The following PRKAG2 variants were observed in gnomAD, a reference collection of about 807,000 sequenced individuals.
The protein encoded by PRKAG2 is protein kinase AMP-activated non-catalytic subunit gamma 2, also known as 5'-AMP-activated protein kinase subunit gamma-2.
Under a neutral mutation model 69.6 loss-of-function variants are expected in PRKAG2, and 26 were observed. The ratio of observed to expected loss-of-function variants is 0.37; its 90% CI spans 0.27 to 0.52. PRKAG2 has a LOEUF of 0.52. Among genes scored for constraint, PRKAG2 ranks in the 20% least tolerant of loss-of-function variants. The pLI is 0.90. For missense variants in PRKAG2, 557 were observed against 740.0 expected (o/e 0.75, Z 2.87); for synonymous variants, 293 against 285.0 (o/e 1.03, Z -0.28).
At chr7:151,622,211 G>A (rs546566793) in intron 5 of PRKAG2, among the ~76,000 whole-genome samples, 131 of 152,274 alleles carry the variant, frequency 8.6e-4, no homozygotes, top group Non-Finnish European at 1.1e-3. Context: ...CCAAGTCCCC[G>A]CAAGTGTCCT....
Position 151,871,038 on chromosome 7 carries a change from C to T in PRKAG2, c.114+5469G>A, listed in dbSNP as rs187061559. Reference sequence around the variant, plus strand: ...CCTCAGTGTCCCCAAAGACTTCTGCCTTGGGTCCATCTCTCTGACGTCTTC... The same window carrying T: ...CCTCAGTGTCCCCAAAGACTTCTGCTTTGGGTCCATCTCTCTGACGTCTTC... On this transcript the variant is annotated intron_variant, in intron 1 of 15. Coordinates refer to ENST00000287878, the MANE Select transcript of PRKAG2 (RefSeq NM_016203.4). 7.6e-4 allele frequency among the ~76,000 whole-genome samples: 116 copies of T among 152,312 alleles called. 1 individual carries two copies. The East Asian group carries it at 0.02, about 27-fold the overall frequency.
At chr7:151,622,449 C>T (rs76791578) in intron 5 of PRKAG2, among the ~76,000 whole-genome samples, 1 of 152,294 alleles carries the variant, frequency 6.6e-6, no homozygotes, top group East Asian at 1.9e-4. Context: ...CACAAAAAAA[C>T]CATTGGCAGA....
chr7:151,840,797 G>A (rs920405099), intron 1 of PRKAG2, among the ~76,000 whole-genome samples: 6 of 152,360 alleles, frequency 3.9e-5, no homozygotes, highest in African/African-American at 7.2e-5. Context: ...CTGCCCACCC[G>A]AGTCTCAGGC....
At chr7:151,668,729 T>G (rs1483505332) in intron 4 of PRKAG2, among the ~76,000 whole-genome samples, 1 of 152,248 alleles carries the variant, frequency 6.6e-6, no homozygotes, top group Non-Finnish European at 1.5e-5. Context: ...TGTCACAGGC[T>G]GAGAGTGGAT....
At chr7:151,794,871 CT>C (rs2077423261) in intron 1 of PRKAG2, among the ~76,000 whole-genome samples, 1 of 152,232 alleles carries the variant, frequency 6.6e-6, no homozygotes, top group Non-Finnish European at 1.5e-5. Flanking sequence ...TCCGGGCAGC[CT>C]TTACTTGACC....
chr7:151,792,329 A>G (rs913059494), intron 1 of PRKAG2, among the ~76,000 whole-genome samples: 4 of 152,170 alleles, frequency 2.6e-5, no homozygotes, highest in Non-Finnish European at 1.5e-5. Flanking sequence ...AAATCCCACC[A>G]CCAAATGCAA....
intron 3 of PRKAG2, among the ~76,000 whole-genome samples, chr7:151,723,294 A>G (rs1038438886): frequency 3.3e-5 from 5 of 152,168 alleles, no homozygotes; most frequent in African/African-American, 1.2e-4. Flanking sequence ...AAGGGGACCC[A>G]GCCTCCCCCT....
chr7:151,841,898 GTGA>G (rs1255582434), intron 1 of PRKAG2, among the ~76,000 whole-genome samples: 3 of 149,528 alleles, frequency 2.0e-5, no homozygotes, highest in South Asian at 2.2e-4. Context: ...ATGGTAGGTA[GTGA>G]TGATGGTAGT....
rs1245355759 is a variant in PRKAG2 at position 151,836,561 on chromosome 7, C to T, written c.114+39946G>A. ...TGCCTCCAGGGGATCAGAACTTGCC[C>T]CCTTCCCAGTGTGAATTCCCCTCCG... is the stretch of plus-strand genomic sequence containing the variant. On this transcript the variant is annotated intron_variant, in intron 1 of 15. Coordinates refer to ENST00000287878, the MANE Select transcript of PRKAG2 (RefSeq NM_016203.4). The surrounding 1 kb of genome is among the most constrained non-coding windows in gnomAD (Gnocchi z 4.1). 2.0e-5 allele frequency among the ~76,000 whole-genome samples: 3 copies of T among 152,232 alleles called. No individual in the cohort carries two copies. The highest frequency in any genetic ancestry group is 7.2e-5 in the African/African-American group (3 of 41,466).
At position 151,756,381 on chromosome 7, in the gene PRKAG2, C is replaced by G. The variant is rs546253640; in HGVS notation, c.466+24771G>C. Among the ~76,000 whole-genome samples, 6 of 152,332 alleles carry G rather than the reference C, an allele frequency of 3.9e-5. No individual in the cohort carries two copies. The highest frequency in any genetic ancestry group is 3.9e-4 in the Admixed American group (6 of 15,306). On this transcript the variant is annotated intron_variant, in intron 3 of 15. Coordinates refer to ENST00000287878, the MANE Select transcript of PRKAG2 (RefSeq NM_016203.4). This position sits in a 1 kb window ranked among gnomAD's most constrained non-coding sequence, Gnocchi z 4.9. The stretch of plus-strand genomic sequence containing the variant: ...CCTGTCCTTGCAATGCTGGGAGGGA[C>G]CCTAGATGGATTTGTGGGTGCATCT...
intron 6 of PRKAG2, 21 bp from the exon 7 acceptor site, chr7:151,576,473 C>T (rs1169863368): frequency 5.2e-6 from 8 of 1,543,122 alleles, no homozygotes; most frequent in Non-Finnish European, 6.3e-6. Flanking sequence ...AGAGGAGAAA[C>T]AAAACATACT....
At chr7:151,738,425 A>G (rs1586190171) in intron 3 of PRKAG2, among the ~76,000 whole-genome samples, 1 of 152,394 alleles carries the variant, frequency 6.6e-6, no homozygotes, top group East Asian at 1.9e-4. Context: ...CTGGCCATAA[A>G]CTGGCCCCAA....
In PRKAG2 at chr7:151,788,338, C is replaced by A. The variant is rs2077114719; in HGVS notation, c.115-1797G>T. Among the ~76,000 whole-genome samples the A allele has an allele frequency of 6.6e-6, 1 of 152,180 alleles. No homozygotes were observed. Among genetic ancestry groups the A allele is most frequent in the African/African-American group, 2.4e-5 (1 of 41,438 alleles). On this transcript the variant is annotated intron_variant, in intron 1 of 15. Transcript: ENST00000287878. This position sits in a 1 kb window ranked among gnomAD's most constrained non-coding sequence, Gnocchi z 4.6. ...GGTATCTCATTGTGGTTTTGATTTG[C>A]ATTTCTTGGATAATTAGTGATGTTG...
intron 1 of PRKAG2, among the ~76,000 whole-genome samples, chr7:151,862,701 G>A (rs1381807137): frequency 1.3e-5 from 2 of 152,248 alleles, no homozygotes. Flanking sequence ...GATTTTATGA[G>A]AAAGGGACGC....
At position 151,777,783 on chromosome 7, in the gene PRKAG2, A is replaced by T. The variant is rs1157847966; in HGVS notation, c.466+3369T>A. 6.6e-6 allele frequency among the ~76,000 whole-genome samples: 1 copy of T among 151,986 alleles called. No individual in the cohort carries two copies. The highest frequency in any genetic ancestry group is 1.5e-5 in the Non-Finnish European group (1 of 67,972). On this transcript the variant is annotated intron_variant, in intron 3 of 15. Coordinates refer to ENST00000287878, the MANE Select transcript of PRKAG2 (RefSeq NM_016203.4). This position sits in a 1 kb window ranked among gnomAD's most constrained non-coding sequence, Gnocchi z 4.3. ...ATTTGAAAGCAAGGATGATAATAGT[A>T]CCTCCCTGAAACCAACTGTTCCTTG...
chr7:151,720,520 A>G (rs1586043492), intron 3 of PRKAG2, among the ~76,000 whole-genome samples: 1 of 151,196 alleles, frequency 6.6e-6, no homozygotes, highest in East Asian at 2.0e-4. Context: ...AGACCTTGAC[A>G]CCCTGAAGTC....
chr7:151,618,314 A>G (rs1403310707), intron 5 of PRKAG2, among the ~76,000 whole-genome samples: 1 of 152,008 alleles, frequency 6.6e-6, no homozygotes, highest in African/African-American at 2.4e-5. Flanking sequence ...TTAGCCGGGC[A>G]TGGTGGTGGG....
At chr7:151,754,495 C>A (rs929316455) in intron 3 of PRKAG2, among the ~76,000 whole-genome samples, 13 of 134,208 alleles carry the variant, frequency 9.7e-5, no homozygotes, top group Admixed American at 5.7e-4. Context: ...GCCCAGGGTG[C>A]CCGCGTTGGC....
chr7:151,558,001 T>G, intron 15 of PRKAG2: 7 of 985,054 alleles, frequency 7.1e-6, no homozygotes, highest in Non-Finnish European at 8.4e-6. Flanking sequence ...ACTATTTTTC[T>G]CATCACAGGA....
Sources: gnomAD v4.1 joint callset for allele counts (sites outside exome capture counted in the v4.1 genomes callset) on GRCh38, gnomAD v4.1.1 for gene constraint, Gnocchi (gnomAD v3.1) non-coding constraint, MANE v1.5 for transcripts, NCBI Gene and HGNC (gene_info 2026-07-23, HGNC 2026-07-21) for gene names.